CARM1: variants seen among roughly 807,000 people sequenced by gnomAD.
CARM1 encodes the protein histone-arginine methyltransferase CARM1.
In CARM1, 14 loss-of-function variants were observed where a neutral mutation model predicts 72.7. That is an observed-to-expected ratio of 0.19 (90% CI 0.13 to 0.30). The LOEUF is 0.30. Among genes scored for constraint, CARM1 ranks in the 10% least tolerant of loss-of-function variants. The pLI, the probability that CARM1 is intolerant of heterozygous loss-of-function variation, is 1.00. For synonymous variants in CARM1, 333 were observed against 345.5 expected (o/e 0.96, Z 0.40); for missense variants, 432 against 833.7 (o/e 0.52, Z 5.93).
intron 1 of CARM1, among the ~76,000 whole-genome samples, chr19:10,892,768 T>G (rs2073997018): frequency 6.6e-6 from 1 of 152,262 alleles, no homozygotes; most frequent in African/African-American, 2.4e-5. Flanking sequence ...GTTTTGCTCT[T>G]GTTGCCCAGG....
intron 1 of CARM1, among the ~76,000 whole-genome samples, chr19:10,893,304 T>C (rs888424352): frequency 5.3e-5 from 8 of 152,138 alleles, no homozygotes; most frequent in African/African-American, 1.9e-4. Context: ...CCCATAGTGC[T>C]GGGATTACAG....
intron 1 of CARM1, among the ~76,000 whole-genome samples, chr19:10,893,664 C>G (rs190988135): frequency 6.6e-6 from 1 of 152,330 alleles, no homozygotes; most frequent in Admixed American, 6.5e-5. Context: ...AGATGGGGCT[C>G]CTGAGGCCAG....
chr19:10,899,035 T>TTG (rs1167016841), intron 1 of CARM1, among the ~76,000 whole-genome samples: 1 of 145,990 alleles, frequency 6.8e-6, no homozygotes, highest in African/African-American at 2.5e-5. Context: ...CTTAGCTTGT[T>TTG]TTTTTTTTTT....
intron 1 of CARM1, among the ~76,000 whole-genome samples, chr19:10,890,139 G>C (rs1289503927): frequency 6.6e-6 from 1 of 152,100 alleles, no homozygotes; most frequent in African/African-American, 2.4e-5. Flanking sequence ...GGGGTCCCAG[G>C]TACTCAGGTG....
chr19:10,895,219 C>T (rs112677899), intron 1 of CARM1, among the ~76,000 whole-genome samples: 1,816 of 152,322 alleles, frequency 0.012, 36 homozygotes, highest in African/African-American at 0.041. Flanking sequence ...ATTCTCGTGC[C>T]TCAGCCTCCC....
chr19:10,907,025 G>A (rs1389810319), intron 2 of CARM1, among the ~76,000 whole-genome samples: 1 of 151,626 alleles, frequency 6.6e-6, no homozygotes, highest in African/African-American at 2.4e-5. Context: ...TCCCACCTCA[G>A]CCTCCTGAGT....
At chr19:10,919,708 A>T in intron 9 of CARM1, 28 bp downstream of exon 9, 6 of 1,594,666 alleles carry the variant, frequency 3.8e-6, no homozygotes, top group Non-Finnish European at 5.2e-6. Context: ...CCATCCTCCC[A>T]GGCCTGGCTC....
At chr19:10,884,032 G>A (rs1460932436) in intron 1 of CARM1, among the ~76,000 whole-genome samples, 1 of 88,694 alleles carries the variant, frequency 1.1e-5, no homozygotes, top group East Asian at 2.9e-4. Flanking sequence ...TTTTTTTTTC[G>A]TTTTTTGTTT....
At position 10,871,694 on chromosome 19, in the gene CARM1, G is replaced by A. The variant is rs2073818807; in HGVS notation, c.-9G>A. The A allele has an allele frequency of 2.5e-6, 2 of 804,924 alleles. No homozygotes were observed. The allele number at this position is 804,924 out of a possible 1,614,324, so 49.9% of individuals were successfully genotyped here. On this transcript the variant is annotated 5_prime_UTR_variant, in exon 1 of 16. Coordinates refer to ENST00000327064, the MANE Select transcript of CARM1 (RefSeq NM_199141.2). The surrounding 1 kb of genome is among the most constrained non-coding windows in gnomAD (Gnocchi z 5.6). Reference sequence around the variant, plus strand: ...GGCGGCGGCGGCGGGGCCTGGAGCCGGATCTAAGATGGCAGCGGCGGCGGC... The same window carrying A: ...GGCGGCGGCGGCGGGGCCTGGAGCCAGATCTAAGATGGCAGCGGCGGCGGC...
chr19:10,909,231 A>G, intron 4 of CARM1, 24 bp downstream of exon 4: 1 of 1,435,040 alleles, frequency 7.0e-7, no homozygotes, highest in Non-Finnish European at 9.7e-7. Context: ...GCATGTGCCC[A>G]CCTCTCTGCT....
chr19:10,920,376 G>A lies in CARM1; in HGVS notation c.1197-60G>A. The A allele has an allele frequency of 6.4e-7, 1 of 1,569,916 alleles. No individual in the cohort carries two copies. Among genetic ancestry groups the A allele is most frequent in the South Asian group, 1.2e-5 (1 of 86,656 alleles). On this transcript the variant is annotated intron_variant, in intron 10 of 15. Coordinates refer to ENST00000327064, the MANE Select transcript of CARM1 (RefSeq NM_199141.2). This position sits in a 1 kb window ranked among gnomAD's most constrained non-coding sequence, Gnocchi z 5.3. Reference sequence around the variant, plus strand: ...CTTGGGGAGGACTCAAGGCATACAAGGTGGTGGCTCCAGTGGTGGCGCCGG... The same window carrying A: ...CTTGGGGAGGACTCAAGGCATACAAAGTGGTGGCTCCAGTGGTGGCGCCGG...
rs2074028337 is a variant in CARM1, at chr19:10,896,953, T to C, written c.221-7998T>C. On this transcript the variant is annotated intron_variant, in intron 1 of 15. Coordinates refer to ENST00000327064, the MANE Select transcript of CARM1 (RefSeq NM_199141.2). This position sits in a 1 kb window ranked among gnomAD's most constrained non-coding sequence, Gnocchi z 5.2. The stretch of plus-strand genomic sequence containing the variant: ...CCTTCCGGGTTTTGCAAATGAAGCT[T>C]TATGGGCACACAGCCATGCTCATTT... 6.6e-6 allele frequency among the ~76,000 whole-genome samples: 1 copy of C among 152,198 alleles called. No individual in the cohort carries two copies. Among genetic ancestry groups the C allele is most frequent in the African/African-American group, 2.4e-5 (1 of 41,456 alleles).
rs1164032277 is a variant in CARM1 at position 10,917,718 on chromosome 19, CT to C, written c.1020+958del. 8.2e-3 allele frequency among the ~76,000 whole-genome samples: 1,058 copies of C among 129,764 alleles called. 3 individuals are homozygous for C. The highest frequency in any genetic ancestry group is 0.02 in the Middle Eastern group (5 of 248). 85.1% of individuals were successfully genotyped at this position (129,764 alleles called of 152,430 possible). On this transcript the variant is annotated intron_variant, in intron 8 of 15. Transcript: ENST00000327064. ...CATTTTTTTCTCTCATTTTCTTTTTCTTTTTTTTTTTTTTTTTGAGACGGAG... is the reference window on the plus strand; with the variant it reads ...CATTTTTTTCTCTCATTTTCTTTTTCTTTTTTTTTTTTTTTTGAGACGGAG...
rs2074227475 is a variant in CARM1, at chr19:10,920,009, CA to C, written c.1196+44del. On this transcript the variant is annotated intron_variant, in intron 10 of 15. Transcript: ENST00000327064. This position sits in a 1 kb window ranked among gnomAD's most constrained non-coding sequence, Gnocchi z 5.3. ...GCCCATGCTGCCTCCTCCCCACTCCCAGGGCTTCCTGCAGCTGCAACCTGGC... is the reference window on the plus strand; with the variant it reads ...GCCCATGCTGCCTCCTCCCCACTCCCGGGCTTCCTGCAGCTGCAACCTGGC... 6.7e-7 allele frequency: 1 copy of C among 1,502,032 alleles called. No individual in the cohort carries two copies. Among genetic ancestry groups the C allele is most frequent in the African/African-American group, 1.4e-5 (1 of 72,770 alleles). 93.0% of individuals were successfully genotyped at this position (1,502,032 alleles called of 1,614,324 possible).
At chr19:10,906,604 A>T (rs2074106009) in intron 2 of CARM1, among the ~76,000 whole-genome samples, 1 of 152,100 alleles carries the variant, frequency 6.6e-6, no homozygotes, top group Admixed American at 6.6e-5. Flanking sequence ...CCGGGATTAC[A>T]GGCACGTGCC....
chr19:10,901,757 C>T (rs1568351851), intron 1 of CARM1, among the ~76,000 whole-genome samples: 1 of 152,156 alleles, frequency 6.6e-6, no homozygotes, highest in Admixed American at 6.5e-5. Context: ...GCCTGGCCAA[C>T]ATGACAAAAC....
rs912388370 is a variant in CARM1 at position 10,917,140 on chromosome 19, T to C, written c.1020+363T>C. Among the ~76,000 whole-genome samples the C allele has an allele frequency of 2.6e-5, 4 of 152,106 alleles. 1 individual carries two copies. The South Asian group carries it at 6.2e-4, about 24-fold the overall frequency. Reference sequence around the variant, plus strand: ...ATCCTTGGTGAGCTGATGTGATTTATTGATTGATTTTACTTGAGATTTTTG... The same window carrying C: ...ATCCTTGGTGAGCTGATGTGATTTACTGATTGATTTTACTTGAGATTTTTG... On this transcript the variant is annotated intron_variant, in intron 8 of 15. Coordinates refer to ENST00000327064, the MANE Select transcript of CARM1 (RefSeq NM_199141.2).
chr19:10,912,434 A>G lies in CARM1; in HGVS notation c.669+140A>G. On this transcript the variant is annotated intron_variant, in intron 5 of 15. Transcript: ENST00000327064. The surrounding 1 kb of genome is among the most constrained non-coding windows in gnomAD (Gnocchi z 4.5). ...TTGGTCTCTTTATTGTCCCCAAGAC[A>G]GTCATTTCAGGGAGGGGCTTCAGGG... The G allele has an allele frequency of 1.6e-6, 1 of 609,400 alleles. No individual in the cohort carries two copies. 37.7% of individuals were successfully genotyped at this position (609,400 alleles called of 1,614,324 possible).
In CARM1 at chr19:10,905,019, T is replaced by G. The variant is rs756631671; in HGVS notation, c.289T>G (p.Ser97Ala). 6.2e-7 allele frequency: 1 copy of G among 1,614,120 alleles called. No individual in the cohort carries two copies. The highest frequency in any genetic ancestry group is 1.7e-5 in the Admixed American group (1 of 60,014). ...AGAGTGCAGCCGTGTGGGCAAGCAG[T>G]CCTTCATCATCACCCTGGGCTGCAA... ...ETECSRVGKQ[S>A]FIITLGCNSV... Residue 97 changes from serine to alanine, a missense_variant, in exon 2 of 16, where the codon TCC (serine) becomes GCC (alanine). By Grantham distance (99) the Ser-to-Ala change is moderately conservative. Coordinates refer to ENST00000327064, the MANE Select transcript of CARM1 (RefSeq NM_199141.2).
Sources: allele counts gnomAD v4.1 joint callset (sites outside exome capture counted in the v4.1 genomes callset), GRCh38; gene constraint gnomAD v4.1.1; non-coding constraint Gnocchi (gnomAD v3.1); transcripts MANE v1.5; gene names NCBI Gene and HGNC (gene_info 2026-07-23, HGNC 2026-07-21).